SESN1: variants seen among roughly 807,000 people sequenced by gnomAD.
SESN1 encodes the protein sestrin-1.
Under a neutral mutation model 59.3 loss-of-function variants are expected in SESN1, and 30 were observed. That is an observed-to-expected ratio of 0.51 (90% CI 0.38 to 0.69). The LOEUF (loss-of-function observed/expected upper bound fraction) is 0.69, where lower values mean the gene tolerates loss of function less well. Ranked by LOEUF, SESN1 falls within the 30% of genes least tolerant of loss-of-function variation. SESN1 has a pLI of 0.00. For missense variants in SESN1, 566 were observed against 673.0 expected, an observed-to-expected ratio of 0.84 and a Z score of 1.76; for synonymous variants, 197 against 219.9, an observed-to-expected ratio of 0.90 and a Z score of 0.92.
chr6:109,087,298 C>T (rs1000236559), intron 1 of SESN1, among the ~76,000 whole-genome samples: 1 of 151,952 alleles, frequency 6.6e-6, no homozygotes, highest in Admixed American at 6.6e-5. Context: ...TATGATTCCT[C>T]CTGTAAGTCA....
chr6:109,019,888 A>T (rs1761923862), intron 1 of SESN1, among the ~76,000 whole-genome samples: 1 of 152,248 alleles, frequency 6.6e-6, no homozygotes, highest in Admixed American at 6.5e-5. Context: ...TAGTTTGTAG[A>T]TCATAAATAC....
intron 1 of SESN1, among the ~76,000 whole-genome samples, chr6:109,091,125 G>A (rs1244889946): frequency 6.6e-6 from 1 of 152,120 alleles, no homozygotes. Flanking sequence ...GACTCATGCA[G>A]TTCAAACCTA....
At chr6:109,045,152 T>G (rs1352140666) in intron 1 of SESN1, among the ~76,000 whole-genome samples, 1 of 152,180 alleles carries the variant, frequency 6.6e-6, no homozygotes, top group East Asian at 1.9e-4. Flanking sequence ...CCTGCAAGTC[T>G]GTGCCTAGCT....
chr6:109,039,025 AAG>A (rs1051565488), intron 1 of SESN1, among the ~76,000 whole-genome samples: 10 of 140,004 alleles, frequency 7.1e-5, no homozygotes, highest in Middle Eastern at 3.4e-3. Flanking sequence ...AAGAAAGAAA[AAG>A]AGAAAGAAAG....
chr6:109,074,588 A>G (rs979332652), intron 1 of SESN1, among the ~76,000 whole-genome samples: 4 of 152,198 alleles, frequency 2.6e-5, no homozygotes, highest in Admixed American at 1.3e-4. Context: ...AGACAAAATT[A>G]TTTCATCTGT....
chr6:108,994,751 G>A (rs1779468497), intron 5 of SESN1, 142 bp from the exon 6 acceptor site: 4 of 663,330 alleles, frequency 6.0e-6, no homozygotes, highest in South Asian at 5.3e-5. Flanking sequence ...TGCCCAGGCT[G>A]CAGTGCAGTG....
At position 108,998,543 on chromosome 6, in the gene SESN1, C is replaced by G. The variant is rs138898747; in HGVS notation, c.942G>C (p.Glu314Asp). The change falls in exon 5 of 10, where the codon GAG becomes GAC. Residue 314 changes from glutamate (E) to aspartate (D), a missense_variant. Physicochemically the swap from Glu to Asp is conservative, Grantham distance 45. Transcript: ENST00000436639. ...DITNGNHSVD[E>D]MPVNSAENVS... ...CATTTTCTGCTGAGTTGACCGGCAT[C>G]TCATCCACACTGTGATTGCCATTTG... 1.4e-4 allele frequency: 232 copies of G among 1,613,908 alleles called. No homozygotes were observed. The highest frequency in any genetic ancestry group is 1.9e-4 in the Non-Finnish European group (226 of 1,179,782).
At chr6:109,030,973 G>A (rs1175239313) in intron 1 of SESN1, among the ~76,000 whole-genome samples, 1 of 152,136 alleles carries the variant, frequency 6.6e-6, no homozygotes, top group Non-Finnish European at 1.5e-5. Flanking sequence ...GCTCTTAGGG[G>A]GCTTACAATC....
chr6:109,054,618 AAT>A (rs973605118), intron 1 of SESN1, among the ~76,000 whole-genome samples: 3 of 152,354 alleles, frequency 2.0e-5, no homozygotes, highest in Admixed American at 6.5e-5. Context: ...CAAAAAAAAT[AAT>A]AGTCTCTCAA....
intron 8 of SESN1, 80 bp from the exon 9 acceptor site, chr6:108,988,767 G>A (rs1779274256): frequency 9.0e-7 from 1 of 1,109,278 alleles, no homozygotes; most frequent in African/African-American, 1.6e-5. Flanking sequence ...CACATCAATA[G>A]TTAATACTGT....
At chr6:109,084,246 TC>T (rs1254974339) in intron 1 of SESN1, among the ~76,000 whole-genome samples, 14 of 152,228 alleles carry the variant, frequency 9.2e-5, no homozygotes, top group South Asian at 4.1e-4. Flanking sequence ...TAAATTTTTT[TC>T]CCTTTAGTAT....
At chr6:109,050,461 G>A (rs1405408540) in intron 1 of SESN1, among the ~76,000 whole-genome samples, 2 of 151,574 alleles carry the variant, frequency 1.3e-5, no homozygotes, top group South Asian at 2.1e-4. Flanking sequence ...GAGACAGTAT[G>A]GCAAGTCTTT....
At chr6:108,995,092 A>G (rs1424697182) in intron 5 of SESN1, among the ~76,000 whole-genome samples, 1 of 152,226 alleles carries the variant, frequency 6.6e-6, no homozygotes, top group African/African-American at 2.4e-5. Context: ...GCCTATTAGG[A>G]ATACAGACAT....
chr6:109,062,918 G>A (rs1457839155), intron 1 of SESN1, among the ~76,000 whole-genome samples: 1 of 152,146 alleles, frequency 6.6e-6, no homozygotes, highest in African/African-American at 2.4e-5. Context: ...ATACTGTACT[G>A]TTGGTAAGTG....
intron 1 of SESN1, among the ~76,000 whole-genome samples, chr6:109,020,670 TTTTCAAGAGTTACAGA>T (rs1779997064): frequency 6.6e-6 from 1 of 152,156 alleles, no homozygotes; most frequent in African/African-American, 2.4e-5. Context: ...TTAGAAGGGA[TTTTCAAGAGTTACAGA>T]TTTCATCACT....
chr6:109,002,573 G>C (rs1305943153), intron 1 of SESN1, among the ~76,000 whole-genome samples: 1 of 152,186 alleles, frequency 6.6e-6, no homozygotes, highest in Non-Finnish European at 1.5e-5. Flanking sequence ...TAAAACCAGA[G>C]TTTTGCATAA....
intron 1 of SESN1, among the ~76,000 whole-genome samples, chr6:109,024,981 A>G (rs12374597): frequency 0.1 from 15,219 of 152,214 alleles, 921 homozygotes; most frequent in Middle Eastern, 0.19. Context: ...ACCCACCGAC[A>G]GGAGGAGTCT....
intron 1 of SESN1, among the ~76,000 whole-genome samples, chr6:109,027,301 C>T (rs573718711): frequency 3.3e-5 from 5 of 151,340 alleles, no homozygotes; most frequent in South Asian, 2.1e-4. Flanking sequence ...GGTGAAACCC[C>T]GTCTCTACTA....
At chr6:108,992,688 A>G (rs1779411213) in intron 7 of SESN1, 99 bp downstream of exon 7, 2 of 754,220 alleles carry the variant, frequency 2.7e-6, no homozygotes, top group Non-Finnish European at 4.7e-6. Flanking sequence ...CTGCCTGCAA[A>G]GCACTTAGCA....
Sources: gnomAD v4.1 joint callset for allele counts (sites outside exome capture counted in the v4.1 genomes callset) on GRCh38, gnomAD v4.1.1 for gene constraint, MANE v1.5 for transcripts, NCBI Gene and HGNC (gene_info 2026-07-23, HGNC 2026-07-21) for gene names.